ABCA1: variants seen among roughly 807,000 people sequenced by gnomAD.
ABCA1 encodes ATP binding cassette subfamily A member 1.
ABCA1 carries 133 observed loss-of-function variants against 262.5 expected under a neutral mutation model. The ratio of observed to expected loss-of-function variants is 0.51; its 90% CI spans 0.44 to 0.59. ABCA1 has a LOEUF of 0.59. Ranked by LOEUF, ABCA1 falls within the 20% of genes least tolerant of loss-of-function variation. The probability of loss-of-function intolerance (pLI) is 0.00; values close to 1 mark genes in which losing one functional copy is unlikely to be tolerated. For synonymous variants in ABCA1, 1,022 were observed against 1,043.5 expected (o/e 0.98, Z 0.40); for missense variants, 2,452 against 2,777.5 (o/e 0.88, Z 2.63).
intron 25 of ABCA1, 58 bp from the exon 26 acceptor site, chr9:104,814,533 A>G: frequency 6.7e-7 from 1 of 1,493,204 alleles, no homozygotes; most frequent in Non-Finnish European, 9.3e-7. Context: ...AGTAGTCACC[A>G]CTGCCACGAT....
At position 104,791,014 on chromosome 9, in the gene ABCA1, C is replaced by T. The variant is rs1673043774; in HGVS notation, c.5835G>A (p.Leu1945=). ...ATGATTTTCCAGCCCCATTAACTCCCAGGAGCCCAAAGCACTGAAAAGGAA... is the reference window on the plus strand; with the variant it reads ...ATGATTTTCCAGCCCCATTAACTCCTAGGAGCCCAAAGCACTGAAAAGGAA... The part of the protein sequence containing the change: ...GIPPGECFGL[L]GVNGAGKSST... The change falls in exon 44 of 50, where the codon CTG becomes CTA. Residue 1945 remains leucine (L), a synonymous_variant. Transcript: ENST00000374736. 1 of 1,613,652 alleles carries T rather than the reference C, an allele frequency of 6.2e-7. No homozygotes were observed. The highest frequency in any genetic ancestry group is 8.5e-7 in the Non-Finnish European group (1 of 1,179,664).
rs185042418 is a variant in ABCA1 at position 104,807,312 on chromosome 9, G to A, written c.4275-882C>T. ...ACGCTGTCTACAAATTTTCCCTGGA[G>A]ATAAGACACAAAGCCTTCAACCTCA... is the stretch of plus-strand genomic sequence containing the variant. On this transcript the variant is annotated intron_variant, in intron 30 of 49. Coordinates refer to ENST00000374736, the MANE Select transcript of ABCA1 (RefSeq NM_005502.4). Among the ~76,000 whole-genome samples, 19 of 152,300 alleles carry A rather than the reference G, an allele frequency of 1.2e-4. No homozygotes were observed. In the East Asian group the frequency reaches 3.7e-3, roughly 29 times the overall value.
intron 7 of ABCA1, among the ~76,000 whole-genome samples, chr9:104,854,235 C>T (rs73663571): frequency 0.022 from 3,370 of 152,170 alleles, 122 homozygotes; most frequent in African/African-American, 0.077. Flanking sequence ...TACAACTGCA[C>T]GGGACTGAAT....
At chr9:104,790,639 C>A (rs1279274298) in intron 44 of ABCA1, among the ~76,000 whole-genome samples, 1 of 152,076 alleles carries the variant, frequency 6.6e-6, no homozygotes, top group African/African-American at 2.4e-5. Flanking sequence ...TACCAAAAAT[C>A]ACTAAATTAT....
chr9:104,903,823 A>G lies in ABCA1; in HGVS notation c.-92-52T>C, dbSNP rs1042850519. On this transcript the variant is annotated intron_variant, in intron 1 of 49. Coordinates refer to ENST00000374736, the MANE Select transcript of ABCA1 (RefSeq NM_005502.4). ...AGCCATCAGTTATTGCTGCAAAGCC[A>G]TACACCAATGAGGACTGCTAATCCA... 7.9e-5 allele frequency: 61 copies of G among 772,786 alleles called. No individual in the cohort carries two copies. The African/African-American group carries it at 8.9e-4, about 11-fold the overall frequency. The allele number at this position is 772,786 out of a possible 1,614,324, so 47.9% of individuals were successfully genotyped here.
intron 5 of ABCA1, among the ~76,000 whole-genome samples, chr9:104,866,595 C>A (rs1199858726): frequency 2.0e-5 from 3 of 152,098 alleles, no homozygotes; most frequent in African/African-American, 7.2e-5. Flanking sequence ...AATTCTCCTG[C>A]CTCAGCCTCC....
chr9:104,876,411 G>A (rs549846672), intron 5 of ABCA1, among the ~76,000 whole-genome samples: 2 of 152,278 alleles, frequency 1.3e-5, no homozygotes, highest in African/African-American at 4.8e-5. Flanking sequence ...CAAGTAGGAC[G>A]TCCCAACCAC....
chr9:104,838,038 A>G (rs1404885985), intron 9 of ABCA1, among the ~76,000 whole-genome samples: 2 of 152,166 alleles, frequency 1.3e-5, no homozygotes, highest in African/African-American at 4.8e-5. Flanking sequence ...AAAAACCAAA[A>G]TTTGGGGCTG....
At position 104,809,487 on chromosome 9, in the gene ABCA1, C is replaced by T; in HGVS notation, c.4253G>A (p.Cys1418Tyr). ...LTKDPGFGTR[C>Y]MEGNPIPDTP... ...TCACGGGATTGGGTTTCCTTCCATACAGCGGGTCCCGAAGCCAGGGTCTTT... is the reference window on the plus strand; with the variant it reads ...TCACGGGATTGGGTTTCCTTCCATATAGCGGGTCCCGAAGCCAGGGTCTTT... Residue 1418 changes from cysteine to tyrosine, a missense_variant, in exon 30 of 50, where the codon TGT (cysteine) becomes TAT (tyrosine). Cys to Tyr is a radical substitution (Grantham distance 194). This residue lies in a region of ABCA1 where 665 missense variants were observed against 727.3 expected (regional missense o/e 0.91). Coordinates refer to ENST00000374736, the MANE Select transcript of ABCA1 (RefSeq NM_005502.4). 6.2e-7 allele frequency: 1 copy of T among 1,614,196 alleles called. No individual in the cohort carries two copies. The highest frequency in any genetic ancestry group is 1.1e-5 in the South Asian group (1 of 91,086).
At chr9:104,800,473 T>A (rs140554012) in intron 35 of ABCA1, 37 bp downstream of exon 35, 1 of 1,581,012 alleles carries the variant, frequency 6.3e-7, no homozygotes, top group East Asian at 2.2e-5. Context: ...GGATTATTGT[T>A]CATCAAAAAG....
intron 1 of ABCA1, among the ~76,000 whole-genome samples, chr9:104,907,458 T>A (rs886853285): frequency 3.3e-5 from 5 of 152,140 alleles, no homozygotes; most frequent in Non-Finnish European, 7.4e-5. Context: ...TGCAAAAGGG[T>A]CCTGGCTTGT....
intron 11 of ABCA1, among the ~76,000 whole-genome samples, chr9:104,836,060 T>C: frequency 6.6e-6 from 1 of 152,222 alleles, no homozygotes; most frequent in East Asian, 1.9e-4. Context: ...CCCACTTTAA[T>C]GGCATGAGCT....
At chr9:104,836,947 C>G (rs1253039304) in intron 11 of ABCA1, 33 bp downstream of exon 11, 1 of 1,532,222 alleles carries the variant, frequency 6.5e-7, no homozygotes, top group Admixed American at 1.7e-5. Context: ...CAGTATCAAG[C>G]AGGCACATGG....
chr9:104,901,454 G>A (rs1222564457), intron 2 of ABCA1, among the ~76,000 whole-genome samples: 2 of 152,088 alleles, frequency 1.3e-5, no homozygotes, highest in Admixed American at 6.6e-5. Context: ...ACTCACTAAT[G>A]GACACACAAC....
chr9:104,886,459 C>T (rs1284678078), intron 3 of ABCA1, among the ~76,000 whole-genome samples: 1 of 152,198 alleles, frequency 6.6e-6, no homozygotes, highest in Non-Finnish European at 1.5e-5. Flanking sequence ...GTTAATCTCC[C>T]TATCTTCCTG....
chr9:104,805,576 T>C lies in ABCA1; in HGVS notation c.4464+665A>G, dbSNP rs372765578. 3.3e-5 allele frequency among the ~76,000 whole-genome samples: 5 copies of C among 151,822 alleles called. No homozygotes were observed. The East Asian group carries it at 5.8e-4, about 18-fold the overall frequency. Reference sequence around the variant, plus strand: ...AACAGAGTCTCTAAGAATACCAGAGTTGACAAGATCCACAGGAGTTTTCTG... The same window carrying C: ...AACAGAGTCTCTAAGAATACCAGAGCTGACAAGATCCACAGGAGTTTTCTG... On this transcript the variant is annotated intron_variant, in intron 31 of 49. Coordinates refer to ENST00000374736, the MANE Select transcript of ABCA1 (RefSeq NM_005502.4).
intron 7 of ABCA1, among the ~76,000 whole-genome samples, chr9:104,850,860 C>G (rs990382525): frequency 6.6e-6 from 1 of 152,046 alleles, no homozygotes; most frequent in Non-Finnish European, 1.5e-5. Context: ...ACCCAGGAGA[C>G]AAGTGACTTT....
intron 2 of ABCA1, 117 bp from the exon 3 acceptor site, chr9:104,889,312 T>C: frequency 1.3e-6 from 2 of 1,535,324 alleles, no homozygotes; most frequent in Non-Finnish European, 1.8e-6. Flanking sequence ...ACTTCTCCAG[T>C]CTCTCCCACC....
chr9:104,858,839 C>T, intron 6 of ABCA1, 141 bp from the exon 7 acceptor site: 1 of 806,348 alleles, frequency 1.2e-6, no homozygotes, highest in South Asian at 1.5e-5. Context: ...CAGTCCAATG[C>T]ATCAGGTCTC....
Sources: allele counts gnomAD v4.1 joint callset (sites outside exome capture counted in the v4.1 genomes callset), GRCh38; gene constraint gnomAD v4.1.1; regional missense constraint gnomAD v4.1.1; transcripts MANE v1.5; gene names NCBI Gene and HGNC (gene_info 2026-07-23, HGNC 2026-07-21).